Variants in FARP1 observed in about 807,000 individuals in gnomAD.
FARP1 encodes the protein FERM, ARHGEF and pleckstrin domain-containing protein 1.
In FARP1, 52 loss-of-function variants were observed where a neutral mutation model predicts 128.8. The observed-to-expected ratio is 0.40, with a 90% CI of 0.32 to 0.51. The LOEUF is 0.51. FARP1 is among the 20% of genes least tolerant of loss of function. FARP1 has a pLI of 0.45. For synonymous variants in FARP1, 580 were observed against 551.8 expected (o/e 1.05, Z -0.72); for missense variants, 1,333 against 1,367.9 (o/e 0.97, Z 0.40).
intron 1 of FARP1, among the ~76,000 whole-genome samples, chr13:98,156,962 C>A (rs1051656882): frequency 5.3e-5 from 8 of 152,052 alleles, no homozygotes; most frequent in Non-Finnish European, 1.2e-4. Context: ...TCATTAATAC[C>A]CCCAAATAAG....
intron 2 of FARP1, among the ~76,000 whole-genome samples, chr13:98,313,494 C>T (rs553395155): frequency 2.6e-5 from 4 of 152,198 alleles, no homozygotes; most frequent in African/African-American, 7.2e-5. Flanking sequence ...CAGGAGGAAC[C>T]GGCCCTGCTA....
chr13:98,373,217 C>T (rs1354492021), intron 5 of FARP1, among the ~76,000 whole-genome samples: 1 of 152,164 alleles, frequency 6.6e-6, no homozygotes, highest in Non-Finnish European at 1.5e-5. Flanking sequence ...TCCCCAGAGC[C>T]TGCCAGACTG....
chr13:98,359,552 G>A (rs1026015422), intron 3 of FARP1, among the ~76,000 whole-genome samples: 1 of 152,176 alleles, frequency 6.6e-6, no homozygotes, highest in Non-Finnish European at 1.5e-5. Context: ...TCTCACCTCC[G>A]AGTACAGCCA....
At chr13:98,190,838 T>C (rs1182705653) in intron 1 of FARP1, among the ~76,000 whole-genome samples, 2 of 151,652 alleles carry the variant, frequency 1.3e-5, no homozygotes, top group Non-Finnish European at 2.9e-5. Flanking sequence ...TGAGCCAACA[T>C]GCCCAGCCTC....
chr13:98,179,728 G>T (rs545289268), intron 1 of FARP1, among the ~76,000 whole-genome samples: 2 of 151,984 alleles, frequency 1.3e-5, no homozygotes, highest in East Asian at 3.9e-4. Flanking sequence ...GTGGTGGCGG[G>T]TGCCTGTAGC....
At chr13:98,175,551 C>T (rs1877946149) in intron 1 of FARP1, among the ~76,000 whole-genome samples, 1 of 151,550 alleles carries the variant, frequency 6.6e-6, no homozygotes, top group Non-Finnish European at 1.5e-5. Context: ...TAGTACAAAA[C>T]ATAAAATGTA....
chr13:98,195,298 C>G (rs1250022195), intron 1 of FARP1, among the ~76,000 whole-genome samples: 1 of 152,150 alleles, frequency 6.6e-6, no homozygotes. Flanking sequence ...GGTTGCTCCT[C>G]GATCTGCCTA....
At chr13:98,211,928 G>A (rs542394155) in intron 1 of FARP1, among the ~76,000 whole-genome samples, 1 of 152,348 alleles carries the variant, frequency 6.6e-6, no homozygotes, top group African/African-American at 2.4e-5. Context: ...TTCGAGATTG[G>A]GTTCCTGCTT....
intron 4 of FARP1, among the ~76,000 whole-genome samples, chr13:98,366,925 T>C (rs996889655): frequency 6.6e-6 from 1 of 152,212 alleles, no homozygotes; most frequent in Non-Finnish European, 1.5e-5. Context: ...GAAATTATAA[T>C]ACATAATTAG....
intron 1 of FARP1, among the ~76,000 whole-genome samples, chr13:98,158,075 A>C (rs1876616553): frequency 6.6e-6 from 1 of 152,226 alleles, no homozygotes; most frequent in Admixed American, 6.5e-5. Context: ...ATATGCATTG[A>C]GAAAAGGATG....
chr13:98,417,519 G>C (rs9556952), intron 16 of FARP1, among the ~76,000 whole-genome samples: 1 of 148,556 alleles, frequency 6.7e-6, no homozygotes, highest in Non-Finnish European at 1.5e-5. Context: ...GAAGATAGCC[G>C]GTCTTGGAGA....
At chr13:98,286,586 C>T (rs781324940) in intron 2 of FARP1, among the ~76,000 whole-genome samples, 3 of 152,130 alleles carry the variant, frequency 2.0e-5, no homozygotes, top group Non-Finnish European at 2.9e-5. Context: ...TGAGGCCTCC[C>T]CAGCCATGTG....
intron 2 of FARP1, among the ~76,000 whole-genome samples, chr13:98,264,841 A>G (rs1446946173): frequency 2.0e-5 from 3 of 152,192 alleles, no homozygotes; most frequent in Non-Finnish European, 4.4e-5. Context: ...TTACTATTCG[A>G]TAGTAATCAT....
chr13:98,399,293 T>G (rs1890670939), intron 13 of FARP1: 1 of 152,234 alleles, frequency 6.6e-6, no homozygotes, highest in Admixed American at 6.5e-5. Flanking sequence ...TTATACATTC[T>G]TTGAGCCTGG....
chr13:98,160,807 C>G (rs929446294), intron 1 of FARP1, among the ~76,000 whole-genome samples: 3 of 152,020 alleles, frequency 2.0e-5, no homozygotes, highest in African/African-American at 7.2e-5. Context: ...GGATTATAGG[C>G]TCACACTACC....
intron 1 of FARP1, among the ~76,000 whole-genome samples, chr13:98,194,331 G>A (rs1042675015): frequency 2.0e-5 from 3 of 152,108 alleles, no homozygotes; most frequent in African/African-American, 7.2e-5. Flanking sequence ...TGACCAGGCT[G>A]GTCTGGAACT....
chr13:98,396,381 C>T (rs1207812073), intron 13 of FARP1: 8 of 399,106 alleles, frequency 2.0e-5, no homozygotes, highest in South Asian at 2.5e-4. Flanking sequence ...TTGGTAACCC[C>T]GCAGTGCTGC....
chr13:98,277,150 C>CACACACACACACACACACACACACA lies in FARP1; in HGVS notation c.171+63737_171+63738insACACACACACACACACACACACACA, dbSNP rs1566824337. Among the ~76,000 whole-genome samples the CACACACACACACACACACACACACA allele has an allele frequency of 2.6e-3, 31 of 11,730 alleles. 1 individual carries two copies. The highest frequency in any genetic ancestry group is 4.2e-3 in the African/African-American group (28 of 6,648). The allele number at this position is 11,730 out of a possible 152,430, so 7.7% of individuals were successfully genotyped here. On this transcript the variant is annotated intron_variant, in intron 2 of 26. Transcript: ENST00000319562. ...CACACACACACACACACACACACAC[C>CACACACACACACACACACACACACA]CCATATGTATATATTAGAAGCAGGG...
chr13:98,413,300 T>C (rs1339382355), intron 16 of FARP1, among the ~76,000 whole-genome samples: 3 of 152,014 alleles, frequency 2.0e-5, no homozygotes, highest in East Asian at 1.9e-4. Context: ...ATGGGAAAAA[T>C]TGAAAATGCC....
Sources: allele counts gnomAD v4.1 joint callset (sites outside exome capture counted in the v4.1 genomes callset), GRCh38; gene constraint gnomAD v4.1.1; transcripts MANE v1.5; gene names NCBI Gene and HGNC (gene_info 2026-07-23, HGNC 2026-07-21).